SCD5: variants seen among roughly 807,000 people sequenced by gnomAD.
SCD5 encodes acyl-CoA-desaturase 4.
SCD5 carries 20 observed loss-of-function variants against 30.4 expected under a neutral mutation model. That is an observed-to-expected ratio of 0.66 (90% CI 0.46 to 0.96). The LOEUF is 0.96. Among genes scored for constraint, SCD5 ranks in the 40% least tolerant of loss-of-function variants. The pLI is 0.00. For missense variants in SCD5, 381 were observed against 443.3 expected, an observed-to-expected ratio of 0.86 and a Z score of 1.26; for synonymous variants, 173 against 176.4, an observed-to-expected ratio of 0.98 and a Z score of 0.16.
chr4:82,783,302 G>A (rs746199874), intron 1 of SCD5, among the ~76,000 whole-genome samples: 8 of 152,136 alleles, frequency 5.3e-5, no homozygotes, highest in Non-Finnish European at 2.9e-5. Flanking sequence ...CATGGACAAT[G>A]TAGCCAGAAT....
intron 1 of SCD5, among the ~76,000 whole-genome samples, chr4:82,793,356 A>C (rs1022571626): frequency 1.3e-5 from 2 of 152,216 alleles, no homozygotes; most frequent in African/African-American, 2.4e-5. Flanking sequence ...CTGAACAAAA[A>C]GATCCCAGCT....
At chr4:82,732,733 T>C (rs114796076) in intron 1 of SCD5, among the ~76,000 whole-genome samples, 1,550 of 152,308 alleles carry the variant, frequency 0.01, 21 homozygotes, top group African/African-American at 0.035. Context: ...TCACTGGTTA[T>C]TGATAGCCAT....
chr4:82,664,422 T>C (rs1431042524), intron 3 of SCD5, among the ~76,000 whole-genome samples: 5 of 113,496 alleles, frequency 4.4e-5, no homozygotes, highest in South Asian at 3.3e-4. Context: ...TCAATTAAAA[T>C]TGAGTCACAC....
At position 82,630,960 on chromosome 4, in the gene SCD5, A is replaced by C. The variant is rs1272844715; in HGVS notation, c.*367T>G. 6.4e-6 allele frequency: 1 copy of C among 156,930 alleles called. No individual in the cohort carries two copies. Among genetic ancestry groups the C allele is most frequent in the Non-Finnish European group, 1.4e-5 (1 of 72,108 alleles). 9.7% of individuals were successfully genotyped at this position (156,930 alleles called of 1,614,324 possible). On this transcript the variant is annotated 3_prime_UTR_variant, in exon 5 of 5. Transcript: ENST00000319540. ...CCTGTCTCTACTAAAAATACAAAAAAATTAGCTGGGTGTGGTGGCAGGCTC... is the reference window on the plus strand; with the variant it reads ...CCTGTCTCTACTAAAAATACAAAAACATTAGCTGGGTGTGGTGGCAGGCTC...
At chr4:82,780,088 T>C (rs1313580147) in intron 1 of SCD5, among the ~76,000 whole-genome samples, 1 of 152,254 alleles carries the variant, frequency 6.6e-6, no homozygotes, top group Non-Finnish European at 1.5e-5. Flanking sequence ...CTTAGGCCCA[T>C]GCCTGATGCA....
chr4:82,698,072 T>C, intron 2 of SCD5: 1 of 456,632 alleles, frequency 2.2e-6, no homozygotes, highest in Non-Finnish European at 4.4e-6. Flanking sequence ...CAGGACCACT[T>C]CTGCTGCTGC....
chr4:82,638,697 G>T (rs1370564651), intron 3 of SCD5, among the ~76,000 whole-genome samples: 1 of 152,200 alleles, frequency 6.6e-6, no homozygotes, highest in Non-Finnish European at 1.5e-5. Context: ...GTGCCAGCAG[G>T]TGGCTGAACA....
chr4:82,785,776 A>T (rs1329975264), intron 1 of SCD5, among the ~76,000 whole-genome samples: 1 of 152,126 alleles, frequency 6.6e-6, no homozygotes. Context: ...ACAGCCAAAC[A>T]ATGGATGTGG....
intron 1 of SCD5, among the ~76,000 whole-genome samples, chr4:82,773,776 G>A (rs1721678788): frequency 6.6e-6 from 1 of 152,118 alleles, no homozygotes; most frequent in Non-Finnish European, 1.5e-5. Flanking sequence ...GCTCAGTCCT[G>A]GTTGAGAGCA....
At chr4:82,683,893 C>T (rs1244095204) in intron 2 of SCD5, among the ~76,000 whole-genome samples, 6 of 152,182 alleles carry the variant, frequency 3.9e-5, no homozygotes, top group African/African-American at 1.2e-4. Context: ...TCCCCAGCCA[C>T]GCAGAACTGT....
At chr4:82,683,977 T>G (rs537461111) in intron 2 of SCD5, among the ~76,000 whole-genome samples, 27 of 152,352 alleles carry the variant, frequency 1.8e-4, no homozygotes, top group African/African-American at 6.0e-4. Context: ...GATAATGAAC[T>G]AATACATGGC....
At chr4:82,687,104 T>C (rs1728725560) in intron 2 of SCD5, among the ~76,000 whole-genome samples, 1 of 149,880 alleles carries the variant, frequency 6.7e-6, no homozygotes, top group African/African-American at 2.5e-5. Context: ...CTGGGAGGCT[T>C]AGGTTGCAGG....
At chr4:82,664,999 C>CTCTATATATATATATATATATA (rs1219554314) in intron 3 of SCD5, among the ~76,000 whole-genome samples, 1 of 70,486 alleles carries the variant, frequency 1.4e-5, no homozygotes, top group African/African-American at 7.5e-5. Flanking sequence ...CTCTCTCTCT[C>CTCTATATATATATATATATATA]TATATATATA....
Position 82,633,488 on chromosome 4 carries a change from A to G in SCD5, c.803-1971T>C, listed in dbSNP as rs539571427. Among the ~76,000 whole-genome samples the G allele has an allele frequency of 4.9e-4, 74 of 152,214 alleles. 1 individual carries two copies. Among genetic ancestry groups the G allele is most frequent in the African/African-American group, 1.7e-3 (71 of 41,528 alleles). On this transcript the variant is annotated intron_variant, in intron 4 of 4. Transcript: ENST00000319540. ...AACATCCTGATTTCATTTCCTTTGG[A>G]TCTATACCCAGAAGTAGGATTGCGA...
In SCD5 at chr4:82,732,589, T is replaced by C. The variant is rs151165627; in HGVS notation, c.233-27176A>G. ...TCCTGTCCAAGGTTGGTTACCACCT[T>C]GTGCCTTGAGTTGCTGGGGACAGGC... On this transcript the variant is annotated intron_variant, in intron 1 of 4. Coordinates refer to ENST00000319540, the MANE Select transcript of SCD5 (RefSeq NM_001037582.3). Among the ~76,000 whole-genome samples, 39 of 152,360 alleles carry C rather than the reference T, an allele frequency of 2.6e-4. No individual in the cohort carries two copies. In the East Asian group the frequency reaches 5.0e-3, roughly 20 times the overall value.
intron 3 of SCD5, among the ~76,000 whole-genome samples, chr4:82,654,429 C>T (rs1727826677): frequency 1.3e-5 from 2 of 152,184 alleles, no homozygotes; most frequent in Admixed American, 1.3e-4. Context: ...ATATTTTAGA[C>T]TAAGAATTTG....
Position 82,699,749 on chromosome 4 carries a change from C to T in SCD5, c.363+5534G>A, listed in dbSNP as rs564529894. On this transcript the variant is annotated intron_variant, in intron 2 of 4. Coordinates refer to ENST00000319540, the MANE Select transcript of SCD5 (RefSeq NM_001037582.3). Reference sequence around the variant, plus strand: ...CAATCTCAGCTTACTGCAACCTCCACGTCCCAGGTTCAAGCGATTCTCCTG... The same window carrying T: ...CAATCTCAGCTTACTGCAACCTCCATGTCCCAGGTTCAAGCGATTCTCCTG... 5.9e-5 allele frequency among the ~76,000 whole-genome samples: 9 copies of T among 151,816 alleles called. 1 individual carries two copies. The South Asian group carries it at 6.3e-4, about 11-fold the overall frequency.
At chr4:82,664,810 C>T (rs1728131488) in intron 3 of SCD5, among the ~76,000 whole-genome samples, 1 of 151,578 alleles carries the variant, frequency 6.6e-6, no homozygotes, top group Admixed American at 6.6e-5. Context: ...ACATAAAATG[C>T]TTTAAAATAA....
At chr4:82,785,863 C>T (rs956561647) in intron 1 of SCD5, among the ~76,000 whole-genome samples, 3 of 152,092 alleles carry the variant, frequency 2.0e-5, no homozygotes, top group Admixed American at 1.3e-4. Flanking sequence ...CTAACAGAGA[C>T]GCCAGGGCAA....
Sources: gnomAD v4.1 joint callset for allele counts (sites outside exome capture counted in the v4.1 genomes callset) on GRCh38, gnomAD v4.1.1 for gene constraint, MANE v1.5 for transcripts, NCBI Gene and HGNC (gene_info 2026-07-23, HGNC 2026-07-21) for gene names.